Variants in CDC16 observed in about 807,000 individuals in gnomAD.
The protein encoded by CDC16 is cell division cycle 16.
CDC16 carries 34 observed loss-of-function variants against 87.0 expected under a neutral mutation model. The ratio of observed to expected loss-of-function variants is 0.39; its 90% CI spans 0.30 to 0.52. The LOEUF is 0.52. Among genes scored for constraint, CDC16 ranks in the 20% least tolerant of loss-of-function variants. CDC16 has a pLI of 0.74. For missense variants in CDC16, 653 were observed against 751.9 expected, an observed-to-expected ratio of 0.87 and a Z score of 1.54; for synonymous variants, 263 against 260.6, an observed-to-expected ratio of 1.01 and a Z score of -0.09.
intron 13 of CDC16, among the ~76,000 whole-genome samples, chr13:114,259,129 G>C (rs17338193): frequency 2.0e-4 from 29 of 147,908 alleles, no homozygotes; most frequent in African/African-American, 7.0e-4. Context: ...TATAAATACT[G>C]TATCTCCCAA....
Position 114,241,359 on chromosome 13 carries a change from C to T in CDC16, c.382-762C>T, listed in dbSNP as rs186576745. On this transcript the variant is annotated intron_variant, in intron 5 of 17. Coordinates refer to ENST00000356221, the MANE Select transcript of CDC16 (RefSeq NM_001078645.3). ...GTAATTGGCAGAGCTGGGGTTTGAA[C>T]TCAGGTCTGTGCTGCCTCAGCAGGC... 2.1e-4 allele frequency among the ~76,000 whole-genome samples: 32 copies of T among 152,354 alleles called. No homozygotes were observed. In the East Asian group the frequency reaches 5.8e-3, roughly 28 times the overall value.
At position 114,264,920 on chromosome 13, in the gene CDC16, T is replaced by C. The variant is rs1214923977; in HGVS notation, c.1513-230T>C. The stretch of plus-strand genomic sequence containing the variant: ...ACTGCGCCCAGTCGAGATAGAACTT[T>C]TTAAAAAATCTTTTTTGGGGTAGAT... On this transcript the variant is annotated intron_variant, in intron 16 of 17. Coordinates refer to ENST00000356221, the MANE Select transcript of CDC16 (RefSeq NM_001078645.3). 1.4e-5 allele frequency: 6 copies of C among 431,122 alleles called. No individual in the cohort carries two copies. The East Asian group carries it at 2.6e-4, about 19-fold the overall frequency. The allele number at this position is 431,122 out of a possible 1,614,324, so 26.7% of individuals were successfully genotyped here.
At chr13:114,248,911 C>T (rs2082008939) in intron 11 of CDC16, among the ~76,000 whole-genome samples, 1 of 151,892 alleles carries the variant, frequency 6.6e-6, no homozygotes, top group South Asian at 2.1e-4. Context: ...GTGATGGACT[C>T]TTATCAGTGG....
At position 114,243,900 on chromosome 13, in the gene CDC16, C is replaced by T. The variant is rs761863907; in HGVS notation, c.678C>T (p.Gly226=). Residue 226 remains glycine, a synonymous_variant, in exon 8 of 18, where the codon GGC becomes GGT. Transcript: ENST00000356221. ...SETVIPESVD[G]LQENLDVVVS... Reference sequence around the variant, plus strand: ...CGGTCATCCCTGAATCTGTAGATGGCTTGCAAGAGAATCTGGATGTGGTAG... The same window carrying T: ...CGGTCATCCCTGAATCTGTAGATGGTTTGCAAGAGAATCTGGATGTGGTAG... The T allele has an allele frequency of 6.2e-7, 1 of 1,607,166 alleles. No homozygotes were observed. Among genetic ancestry groups the T allele is most frequent in the Non-Finnish European group, 8.5e-7 (1 of 1,173,876 alleles).
At chr13:114,250,360 C>T (rs2082102295) in intron 11 of CDC16, among the ~76,000 whole-genome samples, 189 bp from the exon 12 acceptor site, 1 of 151,814 alleles carries the variant, frequency 6.6e-6, no homozygotes, top group Admixed American at 6.6e-5. Flanking sequence ...GGCATGGTGG[C>T]GGGTGCCTGT....
chr13:114,269,144 G>A (rs933774528), intron 17 of CDC16, among the ~76,000 whole-genome samples: 1 of 152,124 alleles, frequency 6.6e-6, no homozygotes, highest in African/African-American at 2.4e-5. Context: ...GCAGATACTT[G>A]ACTGGGTAGA....
chr13:114,257,934 C>T (rs2139077823), intron 13 of CDC16, among the ~76,000 whole-genome samples: 1 of 151,986 alleles, frequency 6.6e-6, no homozygotes, highest in South Asian at 2.1e-4. Flanking sequence ...TTACAGATGC[C>T]CACCACCACG....
chr13:114,262,740 G>A, intron 15 of CDC16, 139 bp from the exon 16 acceptor site: 1 of 784,030 alleles, frequency 1.3e-6, no homozygotes, highest in South Asian at 1.6e-5. Context: ...ATGAGAGTAG[G>A]TGTGGAGAAC....
At chr13:114,259,300 C>T (rs559063541) in intron 13 of CDC16, 35 bp from the exon 14 acceptor site, 23 of 1,511,228 alleles carry the variant, frequency 1.5e-5, no homozygotes, top group Middle Eastern at 1.9e-4. Flanking sequence ...TTGCTAATTT[C>T]GAATAATCTG....
At chr13:114,254,908 T>C (rs1406427071) in intron 12 of CDC16, among the ~76,000 whole-genome samples, 1 of 152,202 alleles carries the variant, frequency 6.6e-6, no homozygotes, top group Non-Finnish European at 1.5e-5. Context: ...CCATCTATCC[T>C]CTCTGAAGCC....
chr13:114,261,554 C>T (rs573859582), intron 14 of CDC16, among the ~76,000 whole-genome samples: 5 of 151,844 alleles, frequency 3.3e-5, no homozygotes, highest in African/African-American at 1.2e-4. Flanking sequence ...ACTTAAAGTG[C>T]TTGTAACATT....
chr13:114,263,580 T>C (rs1034567940), intron 16 of CDC16, among the ~76,000 whole-genome samples: 2 of 152,246 alleles, frequency 1.3e-5, no homozygotes, highest in Admixed American at 1.3e-4. Flanking sequence ...ATTACTCTAG[T>C]ACATACATAG....
intron 17 of CDC16, among the ~76,000 whole-genome samples, chr13:114,270,917 T>G (rs1388259486): frequency 0.025 from 3,491 of 138,836 alleles, 141 homozygotes; most frequent in African/African-American, 0.089. Flanking sequence ...GATTTACCTT[T>G]TTTTTTTTTT....
In CDC16 at chr13:114,272,254, T is replaced by C. The variant is rs1449467657; in HGVS notation, c.1674T>C (p.Ile558=). The change falls in exon 18 of 18, where the codon ATT becomes ATC. Residue 558 remains isoleucine, a synonymous_variant. Transcript: ENST00000356221. ...ATACAATGAAGACACTAAAAAACAT[T>C]ATTTCACCTCCGTGGGATTTCAGGG... ...DVHTMKTLKN[I]ISPPWDFREF... 5 of 1,613,022 alleles carry C rather than the reference T, an allele frequency of 3.1e-6. No individual in the cohort carries two copies. Among genetic ancestry groups the C allele is most frequent in the Non-Finnish European group, 4.2e-6 (5 of 1,179,052 alleles).
intron 11 of CDC16, chr13:114,247,283 C>G: frequency 2.7e-6 from 1 of 371,452 alleles, no homozygotes; most frequent in South Asian, 3.5e-5. Flanking sequence ...CTTGCTCAGC[C>G]TCCCGAGTAG....
At position 114,263,015 on chromosome 13, in the gene CDC16, G is replaced by A; in HGVS notation, c.1512+1G>A. On this transcript the variant is annotated splice_donor_variant, in intron 16 of 17. Coordinates refer to ENST00000356221, the MANE Select transcript of CDC16 (RefSeq NM_001078645.3). LOFTEE classifies it high-confidence loss of function. ...AAATGCTGTGGACTACTTCCACACAGTATGTCTTTTCTTTGTACCTAATTT... is the reference window on the plus strand; with the variant it reads ...AAATGCTGTGGACTACTTCCACACAATATGTCTTTTCTTTGTACCTAATTT... The A allele has an allele frequency of 6.2e-7, 1 of 1,612,780 alleles. No homozygotes were observed. The highest frequency in any genetic ancestry group is 2.2e-5 in the East Asian group (1 of 44,882).
intron 3 of CDC16, among the ~76,000 whole-genome samples, chr13:114,238,220 G>A (rs2081353863): frequency 6.7e-6 from 1 of 149,496 alleles, no homozygotes; most frequent in Non-Finnish European, 1.5e-5. Context: ...CTGAAGTGGA[G>A]CTGCTGCGAT....
At position 114,243,944 on chromosome 13, in the gene CDC16, A is replaced by G. The variant is rs1363945204; in HGVS notation, c.722A>G (p.His241Arg). Reference protein sequence around the residue: ...LDVVVSLAERHYYNCDFKMCY... With the variant: ...LDVVVSLAERRYYNCDFKMCY... ...GTGGTAGTGTCTTTAGCTGAGAGAC[A>G]TTATTATAACTGTGATTTTAAAATG... Residue 241 changes from histidine (H) to arginine (R), a missense_variant, in exon 8 of 18, where the codon CAT (histidine) becomes CGT (arginine). By Grantham distance (29) the His-to-Arg change is conservative (BLOSUM62 0). Transcript: ENST00000356221. 2.5e-6 allele frequency: 4 copies of G among 1,606,110 alleles called. No individual in the cohort carries two copies. Among genetic ancestry groups the G allele is most frequent in the East Asian group, 2.2e-5 (1 of 44,812 alleles).
At chr13:114,259,576 GT>G (rs1250869131) in intron 14 of CDC16, among the ~76,000 whole-genome samples, 178 bp downstream of exon 14, 1 of 152,216 alleles carries the variant, frequency 6.6e-6, no homozygotes, top group Non-Finnish European at 1.5e-5. Context: ...TAAGAAATGA[GT>G]TTTTTCCCTA....
Sources: allele counts gnomAD v4.1 joint callset (sites outside exome capture counted in the v4.1 genomes callset), GRCh38; gene constraint gnomAD v4.1.1; transcripts MANE v1.5; gene names NCBI Gene and HGNC (gene_info 2026-07-23, HGNC 2026-07-21).